Variants in SCRN1 observed in about 807,000 individuals in gnomAD.
The protein encoded by SCRN1 is secernin-1.
Under a neutral mutation model 43.3 loss-of-function variants are expected in SCRN1, and 19 were observed. The ratio of observed to expected loss-of-function variants is 0.44; its 90% CI spans 0.31 to 0.64. The LOEUF is 0.64. Ranked by LOEUF, SCRN1 falls within the 30% of genes least tolerant of loss-of-function variation. The pLI, the probability that SCRN1 is intolerant of heterozygous loss-of-function variation, is 0.09. For missense variants in SCRN1, 447 were observed against 524.1 expected, an observed-to-expected ratio of 0.85 and a Z score of 1.44; for synonymous variants, 183 against 188.9, an observed-to-expected ratio of 0.97 and a Z score of 0.26.
In SCRN1 at chr7:29,926,638, G is replaced by T; in HGVS notation, c.906-6C>A. 1.2e-6 allele frequency: 2 copies of T among 1,610,150 alleles called. No individual in the cohort carries two copies. Among genetic ancestry groups the T allele is most frequent in the Non-Finnish European group, 1.7e-6 (2 of 1,177,068 alleles). ...TGAAAGGCTTGAATATGGACCTGGAGAGGAAGGAGAGGCACTTCAGCCAGG... is the reference window on the plus strand; with the variant it reads ...TGAAAGGCTTGAATATGGACCTGGATAGGAAGGAGAGGCACTTCAGCCAGG... On this transcript the variant is annotated splice_polypyrimidine_tract_variant and splice_region_variant and intron_variant, in intron 6 of 7. Coordinates refer to ENST00000242059, the MANE Select transcript of SCRN1 (RefSeq NM_014766.5).
chr7:29,935,722 T>C (rs1198209482), intron 6 of SCRN1, among the ~76,000 whole-genome samples: 1 of 152,242 alleles, frequency 6.6e-6, no homozygotes, highest in African/African-American at 2.4e-5. Flanking sequence ...TGATTCCTGA[T>C]ATACATGACA....
intron 1 of SCRN1, among the ~76,000 whole-genome samples, chr7:29,986,966 C>T (rs1789180912): frequency 6.6e-6 from 1 of 152,026 alleles, no homozygotes; most frequent in Non-Finnish European, 1.5e-5. Flanking sequence ...CCTCGTGATC[C>T]GCCCGCCTCG....
intron 6 of SCRN1, among the ~76,000 whole-genome samples, chr7:29,927,372 AC>A (rs1787003080): frequency 1.3e-4 from 5 of 38,276 alleles, no homozygotes; most frequent in Non-Finnish European, 2.1e-4. Context: ...CCACCCACAC[AC>A]ACACACACAC....
chr7:29,986,622 A>T (rs527383968), intron 1 of SCRN1, among the ~76,000 whole-genome samples: 1 of 151,780 alleles, frequency 6.6e-6, no homozygotes, highest in East Asian at 1.9e-4. Flanking sequence ...CACAAATTGC[A>T]TGCATTTCTG....
chr7:29,963,514 G>A (rs1238226460), intron 2 of SCRN1, among the ~76,000 whole-genome samples: 1 of 152,192 alleles, frequency 6.6e-6, no homozygotes, highest in Non-Finnish European at 1.5e-5. Flanking sequence ...TGTAGCTGGG[G>A]CCTAGGGTAC....
chr7:29,933,933 A>G (rs1787241287), intron 6 of SCRN1, among the ~76,000 whole-genome samples: 1 of 152,192 alleles, frequency 6.6e-6, no homozygotes, highest in Admixed American at 6.5e-5. Flanking sequence ...ACAATTTCTA[A>G]CATTTTTAGC....
intron 2 of SCRN1, among the ~76,000 whole-genome samples, chr7:29,961,281 A>G (rs1788300900): frequency 7.1e-6 from 1 of 140,384 alleles, no homozygotes; most frequent in Admixed American, 7.2e-5. Flanking sequence ...CTTAACGAGC[A>G]TGCTGCCTTC....
rs142816899 is a variant in SCRN1 at position 29,946,527 on chromosome 7, C to T, written c.342-2348G>A. 2.9e-3 allele frequency among the ~76,000 whole-genome samples: 442 copies of T among 152,352 alleles called. 1 individual carries two copies. The highest frequency in any genetic ancestry group is 0.02 in the Middle Eastern group (6 of 294). Reference sequence around the variant, plus strand: ...CAGCCAGCTGTAACAGCCCTGTCTTCGGAGCTTGTGACTTATCTTTTTTGA... The same window carrying T: ...CAGCCAGCTGTAACAGCCCTGTCTTTGGAGCTTGTGACTTATCTTTTTTGA... On this transcript the variant is annotated intron_variant, in intron 3 of 7. Transcript: ENST00000242059.
intron 4 of SCRN1, among the ~76,000 whole-genome samples, chr7:29,942,572 G>T (rs1190462449): frequency 2.0e-5 from 3 of 152,150 alleles, no homozygotes; most frequent in Non-Finnish European, 4.4e-5. Flanking sequence ...ATCTTAGGAG[G>T]GGTTTTTATC....
chr7:29,977,052 T>C (rs1425863496), intron 1 of SCRN1, among the ~76,000 whole-genome samples: 1 of 152,254 alleles, frequency 6.6e-6, no homozygotes, highest in East Asian at 1.9e-4. Context: ...CCTGCACCTT[T>C]ATCTCAATGA....
intron 2 of SCRN1, among the ~76,000 whole-genome samples, chr7:29,966,119 C>T (rs1028165022): frequency 7.2e-6 from 1 of 138,250 alleles, no homozygotes; most frequent in Non-Finnish European, 1.6e-5. Context: ...ACCAGAGACA[C>T]ACAGAGAGAG....
chr7:29,935,724 T>C (rs1787302489), intron 6 of SCRN1, among the ~76,000 whole-genome samples: 1 of 152,248 alleles, frequency 6.6e-6, no homozygotes, highest in African/African-American at 2.4e-5. Context: ...ATTCCTGATA[T>C]ACATGACAGA....
In SCRN1 at chr7:29,923,919, G is replaced by A. The variant is rs200712843; in HGVS notation, c.*38C>T. The A allele has an allele frequency of 8.6e-5, 135 of 1,568,666 alleles. 2 individuals are homozygous for A. The Middle Eastern group carries it at 1.0e-3, about 12-fold the overall frequency. Reference sequence around the variant, plus strand: ...GTTTTGCTGGTAATTTAGTAAGGTGGGAAGTCTTAAATAAGAAGGGGAAAG... The same window carrying A: ...GTTTTGCTGGTAATTTAGTAAGGTGAGAAGTCTTAAATAAGAAGGGGAAAG... On this transcript the variant is annotated 3_prime_UTR_variant, in exon 8 of 8. Transcript: ENST00000242059.
chr7:29,949,257 G>A (rs1583668395), intron 3 of SCRN1, among the ~76,000 whole-genome samples: 5 of 151,302 alleles, frequency 3.3e-5, no homozygotes, highest in Admixed American at 1.3e-4. Context: ...GGAGGTTGCA[G>A]TGAGCCGAGA....
chr7:29,929,586 C>T (rs150331785), intron 6 of SCRN1, among the ~76,000 whole-genome samples: 6 of 152,306 alleles, frequency 3.9e-5, no homozygotes, highest in African/African-American at 2.4e-5. Context: ...CTGGCAGCAC[C>T]GCTGGGCGGA....
chr7:29,982,750 A>ATACGT (rs1327319978), intron 1 of SCRN1, among the ~76,000 whole-genome samples: 3 of 151,650 alleles, frequency 2.0e-5, no homozygotes, highest in Non-Finnish European at 4.4e-5. Flanking sequence ...TGTATAATTA[A>ATACGT]TACGTAGTGG....
chr7:29,989,840 C>A (rs1486044633), upstream of SCRN1: 1 of 976,320 alleles, frequency 1.0e-6, no homozygotes, highest in Non-Finnish European at 1.2e-6. Flanking sequence ...GCAGCTGGCC[C>A]GACTCACGTG....
chr7:29,937,404 G>C (rs992975584), intron 5 of SCRN1, among the ~76,000 whole-genome samples: 1 of 152,164 alleles, frequency 6.6e-6, no homozygotes, highest in Non-Finnish European at 1.5e-5. Context: ...ACCAGCCCTG[G>C]ACTGGCCGTA....
chr7:29,979,537 T>A (rs913708531), intron 1 of SCRN1, among the ~76,000 whole-genome samples: 3 of 151,904 alleles, frequency 2.0e-5, no homozygotes, highest in African/African-American at 7.3e-5. Context: ...TGTAGATACA[T>A]GTCTCATTAC....
Sources: gnomAD v4.1 joint callset for allele counts (sites outside exome capture counted in the v4.1 genomes callset) on GRCh38, gnomAD v4.1.1 for gene constraint, MANE v1.5 for transcripts, NCBI Gene and HGNC (gene_info 2026-07-23, HGNC 2026-07-21) for gene names.